The following CACNA2D3 variants were observed in gnomAD, a reference collection of about 807,000 sequenced individuals.
CACNA2D3 encodes voltage-dependent calcium channel subunit alpha-2/delta-3.
CACNA2D3 carries 60 observed loss-of-function variants against 160.6 expected under a neutral mutation model. That is an observed-to-expected ratio of 0.37 (90% CI 0.30 to 0.46). The LOEUF (loss-of-function observed/expected upper bound fraction) is 0.46. CACNA2D3 is among the 20% of genes least tolerant of loss of function. The pLI, the probability that CACNA2D3 is intolerant of heterozygous loss-of-function variation, is 1.00. For missense variants in CACNA2D3, 1,205 were observed against 1,365.0 expected (o/e 0.88, Z 1.85); for synonymous variants, 558 against 492.9 (o/e 1.13, Z -1.75).
chr3:54,165,677 AG>A (rs1301936698), intron 2 of CACNA2D3, among the ~76,000 whole-genome samples: 39 of 149,700 alleles, frequency 2.6e-4, no homozygotes, highest in African/African-American at 9.7e-4. Flanking sequence ...CCGGAGGCTG[AG>A]GTGGGAGGAT....
chr3:54,929,742 C>T lies in CACNA2D3; in HGVS notation c.2449+29874C>T, dbSNP rs578053779. ...TCTTAAGAACTCAATGATTTCTTCC[C>T]TCCTTCCTTCCAATCCCTCCTTCCT... On this transcript the variant is annotated intron_variant, in intron 27 of 37. Transcript: ENST00000474759. Among the ~76,000 whole-genome samples the T allele has an allele frequency of 1.6e-4, 25 of 152,232 alleles. No individual in the cohort carries two copies. The South Asian group carries it at 2.7e-3, about 16-fold the overall frequency.
intron 11 of CACNA2D3, among the ~76,000 whole-genome samples, chr3:54,644,211 G>A (rs532112481): frequency 5.9e-5 from 9 of 152,118 alleles, no homozygotes; most frequent in African/African-American, 1.9e-4. Context: ...ATTCATTTTA[G>A]GCCAGATGCG....
chr3:54,260,978 C>A (rs144069704), intron 2 of CACNA2D3, among the ~76,000 whole-genome samples: 61 of 152,270 alleles, frequency 4.0e-4, no homozygotes, highest in African/African-American at 1.4e-3. Context: ...CCTGTTTGTT[C>A]CCTCTTTCTC....
chr3:54,442,120 A>G (rs1700154754), intron 4 of CACNA2D3, among the ~76,000 whole-genome samples: 1 of 152,088 alleles, frequency 6.6e-6, no homozygotes, highest in African/African-American at 2.4e-5. Flanking sequence ...ATACGCTTAA[A>G]TTGTTGATAT....
At chr3:54,675,015 T>C (rs980446202) in intron 11 of CACNA2D3, among the ~76,000 whole-genome samples, 5 of 152,082 alleles carry the variant, frequency 3.3e-5, no homozygotes, top group Non-Finnish European at 7.4e-5. Context: ...CATGAGTGAT[T>C]AGGCAGTCAG....
chr3:54,364,038 T>C (rs1003650041), intron 3 of CACNA2D3, among the ~76,000 whole-genome samples: 4 of 152,124 alleles, frequency 2.6e-5, no homozygotes, highest in African/African-American at 7.2e-5. Flanking sequence ...GAGAACATGA[T>C]TGATTAGAAC....
chr3:54,809,464 GCC>G (rs1703237894), intron 13 of CACNA2D3, among the ~76,000 whole-genome samples: 1 of 143,612 alleles, frequency 7.0e-6, no homozygotes, highest in African/African-American at 2.8e-5. Flanking sequence ...GACTACAGGC[GCC>G]CGCCACCGCG....
chr3:54,428,133 T>C (rs1481432273), intron 4 of CACNA2D3, among the ~76,000 whole-genome samples: 1 of 152,228 alleles, frequency 6.6e-6, no homozygotes, highest in Admixed American at 6.5e-5. Context: ...ACCTCAGTGT[T>C]TGTTTACCAT....
intron 14 of CACNA2D3, among the ~76,000 whole-genome samples, chr3:54,832,680 C>G (rs1028655926): frequency 2.0e-5 from 3 of 152,228 alleles, no homozygotes; most frequent in African/African-American, 7.2e-5. Context: ...AGCCTCTCTG[C>G]TCACCGAATG....
chr3:54,373,103 C>CTTGG (rs1698953924), intron 3 of CACNA2D3, among the ~76,000 whole-genome samples: 1 of 152,158 alleles, frequency 6.6e-6, no homozygotes, highest in African/African-American at 2.4e-5. Context: ...AGTTTAGAGT[C>CTTGG]TTGGCCTCAG....
intron 2 of CACNA2D3, among the ~76,000 whole-genome samples, chr3:54,180,202 A>G (rs1229659727): frequency 6.6e-6 from 1 of 150,612 alleles, no homozygotes; most frequent in Non-Finnish European, 1.5e-5. Flanking sequence ...TAGTGGCTCT[A>G]CATTTCTGAA....
intron 2 of CACNA2D3, among the ~76,000 whole-genome samples, chr3:54,271,903 A>G (rs960712248): frequency 3.9e-5 from 6 of 152,228 alleles, no homozygotes; most frequent in Non-Finnish European, 7.3e-5. Flanking sequence ...TCTGTGGAAA[A>G]TATAAAAGTT....
intron 10 of CACNA2D3, 52 bp downstream of exon 10, chr3:54,627,928 T>G: frequency 1.6e-6 from 2 of 1,273,008 alleles, no homozygotes; most frequent in Non-Finnish European, 2.2e-6. Flanking sequence ...TAGATGGGTG[T>G]TGTTTTAGAA....
intron 9 of CACNA2D3, among the ~76,000 whole-genome samples, chr3:54,588,155 A>C (rs183381641): frequency 3.9e-5 from 6 of 152,366 alleles, no homozygotes; most frequent in African/African-American, 1.4e-4. Context: ...CCAATGTAAC[A>C]TCCATGTCAA....
intron 5 of CACNA2D3, among the ~76,000 whole-genome samples, chr3:54,553,483 A>G (rs113195460): frequency 1.3e-5 from 2 of 152,332 alleles, no homozygotes; most frequent in African/African-American, 4.8e-5. Context: ...TTTAGGAAAG[A>G]CAGAGATCCT....
intron 35 of CACNA2D3, among the ~76,000 whole-genome samples, chr3:55,056,250 A>G (rs1379488527): frequency 2.0e-5 from 3 of 152,188 alleles, no homozygotes; most frequent in Non-Finnish European, 4.4e-5. Flanking sequence ...TAAAATGACA[A>G]TGAGATATCA....
chr3:54,741,745 A>T (rs530799280), intron 11 of CACNA2D3, among the ~76,000 whole-genome samples: 1 of 152,316 alleles, frequency 6.6e-6, no homozygotes, highest in Non-Finnish European at 1.5e-5. Flanking sequence ...CTAAAGCCAC[A>T]CTGCCTTAAT....
At chr3:54,269,229 G>A (rs1702573473) in intron 2 of CACNA2D3, among the ~76,000 whole-genome samples, 1 of 151,944 alleles carries the variant, frequency 6.6e-6, no homozygotes, top group Non-Finnish European at 1.5e-5. Flanking sequence ...TTCTATTTCA[G>A]GGCTGCCATC....
chr3:54,465,154 C>A (rs1174803362), intron 4 of CACNA2D3, among the ~76,000 whole-genome samples: 1 of 151,304 alleles, frequency 6.6e-6, no homozygotes, highest in African/African-American at 2.4e-5. Context: ...AATTCAGTTG[C>A]ATTTTTATTT....
Sources: gnomAD v4.1 joint callset for allele counts (sites outside exome capture counted in the v4.1 genomes callset) on GRCh38, gnomAD v4.1.1 for gene constraint, MANE v1.5 for transcripts, NCBI Gene and HGNC (gene_info 2026-07-23, HGNC 2026-07-21) for gene names.